Variants in IGFBP5 observed in about 807,000 individuals in gnomAD.
IGFBP5 encodes insulin-like growth factor-binding protein 5.
In IGFBP5, 12 loss-of-function variants were observed where a neutral mutation model predicts 28.0. That is an observed-to-expected ratio of 0.43 (90% CI 0.27 to 0.69). The LOEUF is 0.69. Ranked by LOEUF, IGFBP5 falls within the 30% of genes least tolerant of loss-of-function variation. The pLI is 0.20. For missense variants in IGFBP5, 344 were observed against 381.6 expected (o/e 0.90, Z 0.82); for synonymous variants, 152 against 150.2 (o/e 1.01, Z -0.09).
chr2:216,683,152 C>T (rs1057131567), intron 1 of IGFBP5, among the ~76,000 whole-genome samples: 3 of 152,036 alleles, frequency 2.0e-5, no homozygotes, highest in Non-Finnish European at 4.4e-5. Flanking sequence ...AACCCCGTCT[C>T]TACAAAAAAA....
chr2:216,693,083 A>AC (rs1689119989), intron 1 of IGFBP5, among the ~76,000 whole-genome samples: 1 of 152,068 alleles, frequency 6.6e-6, no homozygotes, highest in Non-Finnish European at 1.5e-5. Context: ...CCAAGTTTTA[A>AC]CCCCTTTTGG....
intron 1 of IGFBP5, among the ~76,000 whole-genome samples, chr2:216,682,158 C>T (rs999799088): frequency 2.2e-4 from 34 of 152,324 alleles, no homozygotes; most frequent in African/African-American, 7.2e-4. Flanking sequence ...GAAGAGCAGG[C>T]TTAACATTTT....
At chr2:216,685,469 G>A (rs1172490226) in intron 1 of IGFBP5, among the ~76,000 whole-genome samples, 4 of 152,114 alleles carry the variant, frequency 2.6e-5, no homozygotes, top group Non-Finnish European at 5.9e-5. Flanking sequence ...CTGGCCTGAC[G>A]GCACTGACTT....
chr2:216,694,574 C>T lies in IGFBP5; in HGVS notation c.202G>A (p.Gly68Ser). 1 of 1,556,670 alleles carries T rather than the reference C, an allele frequency of 6.4e-7. No homozygotes were observed. The highest frequency in any genetic ancestry group is 8.7e-7 in the Non-Finnish European group (1 of 1,152,866). ...TGGGCGCAGCGCTCGGTGTAGACGC[C>T]GCACGACTGCCCCTCGGCCAGGGCG... ...TCALAEGQSC[G>S]VYTERCAQGL... The change falls in exon 1 of 4, where the codon GGC becomes AGC. Residue 68 changes from glycine to serine, a missense_variant. Coordinates refer to ENST00000233813, the MANE Select transcript of IGFBP5 (RefSeq NM_000599.4). This position sits in a 1 kb window ranked among gnomAD's most constrained non-coding sequence, Gnocchi z 5.2.
Position 216,692,195 on chromosome 2 carries a change from C to T in IGFBP5, c.337+2244G>A, listed in dbSNP as rs905392574. 2.0e-5 allele frequency among the ~76,000 whole-genome samples: 3 copies of T among 152,156 alleles called. No individual in the cohort carries two copies. The highest frequency in any genetic ancestry group is 6.5e-5 in the Admixed American group (1 of 15,284). On this transcript the variant is annotated intron_variant, in intron 1 of 3. Transcript: ENST00000233813. The surrounding 1 kb of genome is among the most constrained non-coding windows in gnomAD (Gnocchi z 4.2). ...GTGGAGCGCCGCCAACCCGCAACAG[C>T]AGCCGGCCGGGCACCTGCCTTCGGC...
intron 1 of IGFBP5, among the ~76,000 whole-genome samples, chr2:216,689,977 AAG>A (rs11575142): frequency 5.3e-5 from 8 of 150,368 alleles, no homozygotes; most frequent in Non-Finnish European, 1.2e-4. Context: ...ATTTTTTAAA[AAG>A]AGAGAGAGAG....
Position 216,694,439 on chromosome 2 carries a change from C to A in IGFBP5, c.337G>T (p.Glu113Ter). The A allele has an allele frequency of 1.3e-6, 2 of 1,538,696 alleles. No individual in the cohort carries two copies. The highest frequency in any genetic ancestry group is 1.7e-6 in the Non-Finnish European group (2 of 1,145,696). The change falls in exon 1 of 4, where the codon GAG becomes TAG. Residue 113 changes from glutamate to a stop codon, truncating the protein, a stop_gained and splice_region_variant. Coordinates refer to ENST00000233813, the MANE Select transcript of IGFBP5 (RefSeq NM_000599.4). LOFTEE classifies it high-confidence loss of function. The surrounding 1 kb of genome is among the most constrained non-coding windows in gnomAD (Gnocchi z 5.2). The stretch of plus-strand genomic sequence containing the variant: ...TGACTGGCACACTGAGCGCGCTCAC[C>A]GATCTTGACTTGCTCGCGGTAGCTC... ...EKSYREQVKI[E>*]RDSREHEEPT... is the part of the protein sequence containing the mutation.
intron 1 of IGFBP5, among the ~76,000 whole-genome samples, chr2:216,690,588 G>C (rs563138450): frequency 6.6e-6 from 1 of 152,216 alleles, no homozygotes; most frequent in Admixed American, 6.5e-5. Flanking sequence ...ATGACCTCTG[G>C]CTCCTAGGGT....
At chr2:216,683,193 C>G (rs762743864) in intron 1 of IGFBP5, among the ~76,000 whole-genome samples, 1 of 152,054 alleles carries the variant, frequency 6.6e-6, no homozygotes, top group Admixed American at 6.5e-5. Context: ...TAGAGGCGTG[C>G]GCCTCTAGTC....
rs1210467029 is a variant in IGFBP5, at chr2:216,692,228, A to C, written c.337+2211T>G. Among the ~76,000 whole-genome samples, 1 of 151,996 alleles carries C rather than the reference A, an allele frequency of 6.6e-6. No homozygotes were observed. The highest frequency in any genetic ancestry group is 1.5e-5 in the Non-Finnish European group (1 of 67,988). On this transcript the variant is annotated intron_variant, in intron 1 of 3. Transcript: ENST00000233813. The surrounding 1 kb of genome is among the most constrained non-coding windows in gnomAD (Gnocchi z 4.2). ...CGGGCACCTGCCTTCGGCGGGGTGG[A>C]GTCGGAGAGGAGTGCTGGGGAGGGG...
chr2:216,676,813 C>G lies in IGFBP5; in HGVS notation c.757G>C (p.Gly253Arg). 1 of 1,614,040 alleles carries G rather than the reference C, an allele frequency of 6.2e-7. No individual in the cohort carries two copies. Among genetic ancestry groups the G allele is most frequent in the South Asian group, 1.1e-5 (1 of 91,062 alleles). Residue 253 changes from glycine (G) to arginine (R), a missense_variant, in exon 4 of 4, where the codon GGC becomes CGC. Physicochemically the swap from Gly to Arg is moderately radical, Grantham distance 125. Around this residue, in one of 3 missense-constraint regions of IGFBP5, gnomAD observed 36 missense variants for 34.1 expected, o/e 1.06. Coordinates refer to ENST00000233813, the MANE Select transcript of IGFBP5 (RefSeq NM_000599.4). ...AAGTCCCCGTCAACGTACTCCATGC[C>G]TGGCAGCTTCATCCCGTACTTGTCC... ...CVDKYGMKLP[G>R]MEYVDGDFQC...
At position 216,679,123 on chromosome 2, in the gene IGFBP5, TGCACACG is replaced by T. The variant is rs768405919; in HGVS notation, c.338-51_338-45del. On this transcript the variant is annotated intron_variant, in intron 1 of 3. Coordinates refer to ENST00000233813, the MANE Select transcript of IGFBP5 (RefSeq NM_000599.4). The surrounding 1 kb of genome is among the most constrained non-coding windows in gnomAD (Gnocchi z 4.6). ...GAGGGTCAGCCCCCGTGGGCCAAGG[TGCACACG>T]GCCAGAGCCCAGGGCTGGGCAGTTT... is the stretch of plus-strand genomic sequence containing the variant. 1.3e-6 allele frequency: 2 copies of T among 1,536,264 alleles called. No individual in the cohort carries two copies. The highest frequency in any genetic ancestry group is 4.5e-5 in the East Asian group (2 of 44,502).
At chr2:216,688,663 C>G (rs1346475587) in intron 1 of IGFBP5, among the ~76,000 whole-genome samples, 1 of 152,190 alleles carries the variant, frequency 6.6e-6, no homozygotes, top group Non-Finnish European at 1.5e-5. Flanking sequence ...CAGAGGTCAT[C>G]TGAGGCCTGG....
chr2:216,687,471 CTTG>C (rs1429402081), intron 1 of IGFBP5, among the ~76,000 whole-genome samples: 1 of 152,180 alleles, frequency 6.6e-6, no homozygotes, highest in Non-Finnish European at 1.5e-5. Context: ...AGAGAGGCTC[CTTG>C]TTGTTTTCTG....
Position 216,676,493 on chromosome 2 carries a change from G to C in IGFBP5, c.*258C>G, listed in dbSNP as rs1163821597. 4.2e-5 allele frequency: 12 copies of C among 285,514 alleles called. No individual in the cohort carries two copies. The highest frequency in any genetic ancestry group is 5.3e-5 in the Non-Finnish European group (8 of 150,370). 17.7% of individuals were successfully genotyped at this position (285,514 alleles called of 1,614,324 possible). Reference sequence around the variant, plus strand: ...TCGTTCTTCCTCTCTTCCCTTCTCTGTTCATCCAACTTGCCTCAAAAAGAA... The same window carrying C: ...TCGTTCTTCCTCTCTTCCCTTCTCTCTTCATCCAACTTGCCTCAAAAAGAA... On this transcript the variant is annotated 3_prime_UTR_variant, in exon 4 of 4. Coordinates refer to ENST00000233813, the MANE Select transcript of IGFBP5 (RefSeq NM_000599.4).
chr2:216,676,953 C>A (rs1688908267), intron 3 of IGFBP5, 71 bp from the exon 4 acceptor site: 4 of 1,543,812 alleles, frequency 2.6e-6, no homozygotes, highest in Non-Finnish European at 3.5e-6. Flanking sequence ...TGCCCTGCCT[C>A]TTGTCTACCC....
chr2:216,678,616 G>T (rs1688932811), intron 2 of IGFBP5: 5 of 579,980 alleles, frequency 8.6e-6, no homozygotes, highest in Non-Finnish European at 1.5e-5. Context: ...CGCTGGGCTG[G>T]CACACACTCT....
At position 216,676,650 on chromosome 2, in the gene IGFBP5, A is replaced by G; in HGVS notation, c.*101T>C. On this transcript the variant is annotated 3_prime_UTR_variant, in exon 4 of 4. Transcript: ENST00000233813. ...ATAGATAGATATATATTTTTCCCTT[A>G]AATGAGATGAAATGAGTGGCGTCCT... 1.4e-6 allele frequency: 1 copy of G among 724,310 alleles called. No individual in the cohort carries two copies. Among genetic ancestry groups the G allele is most frequent in the Non-Finnish European group, 2.3e-6 (1 of 434,332 alleles). 44.9% of individuals were successfully genotyped at this position (724,310 alleles called of 1,614,324 possible).
chr2:216,677,815 C>T (rs988085863), intron 3 of IGFBP5, among the ~76,000 whole-genome samples: 7 of 152,160 alleles, frequency 4.6e-5, no homozygotes, highest in Non-Finnish European at 4.4e-5. Context: ...GTGCGGTGCA[C>T]CAATGATACG....
Sources: gnomAD v4.1 joint callset for allele counts (sites outside exome capture counted in the v4.1 genomes callset) on GRCh38, gnomAD v4.1.1 for gene constraint, gnomAD v4.1.1 regional missense constraint, Gnocchi (gnomAD v3.1) non-coding constraint, MANE v1.5 for transcripts, NCBI Gene and HGNC (gene_info 2026-07-23, HGNC 2026-07-21) for gene names.